ZNF438: variants seen among roughly 807,000 people sequenced by gnomAD.
ZNF438 encodes the protein zinc finger protein 438.
In ZNF438, 25 loss-of-function variants were observed where a neutral mutation model predicts 38.0. The observed-to-expected ratio is 0.66, with a 90% confidence interval of 0.48 to 0.92. The LOEUF is 0.92. ZNF438 is among the 40% of genes least tolerant of loss of function. The pLI is 0.00. For synonymous variants in ZNF438, 372 were observed against 364.1 expected, an observed-to-expected ratio of 1.02 and a Z score of -0.25; for missense variants, 1,007 against 999.6, an observed-to-expected ratio of 1.01 and a Z score of -0.10.
At chr10:30,883,400 C>A (rs946352202) in intron 3 of ZNF438, among the ~76,000 whole-genome samples, 7 of 152,014 alleles carry the variant, frequency 4.6e-5, no homozygotes, top group Admixed American at 1.3e-4. Context: ...TGTGTAAAGC[C>A]ATCATCATTA....
Position 31,027,043 on chromosome 10 carries a change from G to A in ZNF438, c.-192+4790C>T, listed in dbSNP as rs546800882. On this transcript the variant is annotated intron_variant, in intron 1 of 5. Transcript: ENST00000413025. ...CACTCACAGGTGGGAATTGAACAAT[G>A]AGAACACTTGGACACAGGGTGGGGA... 1.8e-3 allele frequency among the ~76,000 whole-genome samples: 272 copies of A among 150,158 alleles called. 2 individuals carry two copies. Among genetic ancestry groups the A allele is most frequent in the South Asian group, 0.011 (51 of 4,682 alleles).
At chr10:31,030,824 T>C (rs924334036) in intron 1 of ZNF438, among the ~76,000 whole-genome samples, 2 of 152,230 alleles carry the variant, frequency 1.3e-5, no homozygotes, top group African/African-American at 2.4e-5. Context: ...TAATAACTAA[T>C]CGATAATGTA....
At chr10:30,948,341 A>G (rs367604171) in intron 1 of ZNF438, among the ~76,000 whole-genome samples, 15 of 152,086 alleles carry the variant, frequency 9.9e-5, no homozygotes, top group Non-Finnish European at 1.8e-4. Flanking sequence ...AAAGCAGAGC[A>G]CCTCTCCTCC....
intron 4 of ZNF438, among the ~76,000 whole-genome samples, chr10:30,865,051 A>G (rs1194109764): frequency 6.6e-6 from 1 of 152,198 alleles, no homozygotes; most frequent in Admixed American, 6.5e-5. Flanking sequence ...CCTCCATTCC[A>G]ACACGCTGAA....
intron 2 of ZNF438, among the ~76,000 whole-genome samples, chr10:30,926,250 G>C (rs1227143376): frequency 6.6e-6 from 1 of 152,174 alleles, no homozygotes; most frequent in Non-Finnish European, 1.5e-5. Flanking sequence ...CTCAACACAA[G>C]AGCTGTGAGT....
At chr10:30,898,512 A>G (rs1281452477) in intron 3 of ZNF438, among the ~76,000 whole-genome samples, 1 of 152,142 alleles carries the variant, frequency 6.6e-6, no homozygotes, top group Non-Finnish European at 1.5e-5. Context: ...GGTATAATAC[A>G]TGTATGTGTG....
At chr10:30,923,400 T>C (rs965454502) in intron 2 of ZNF438, 1 of 152,256 alleles carries the variant, frequency 6.6e-6, no homozygotes, top group Non-Finnish European at 1.5e-5. Flanking sequence ...TTCAATTTCT[T>C]TCCCGAGCTC....
rs552596307 is a variant in ZNF438 at position 30,940,535 on chromosome 10, G to C, written c.-115+1040C>G. Among the ~76,000 whole-genome samples the C allele has an allele frequency of 1.2e-4, 19 of 152,286 alleles. No individual in the cohort carries two copies. The South Asian group carries it at 3.9e-3, about 32-fold the overall frequency. On this transcript the variant is annotated intron_variant, in intron 2 of 5. Coordinates refer to ENST00000413025, the Ensembl canonical transcript of ZNF438. ...AAGACAGATGCATGAAGAACAATGAGAGTTCAGAGAATAGGAAAAGCCCAG... is the reference window on the plus strand; with the variant it reads ...AAGACAGATGCATGAAGAACAATGACAGTTCAGAGAATAGGAAAAGCCCAG...
chr10:30,976,878 C>T (rs74134339), intron 1 of ZNF438, among the ~76,000 whole-genome samples: 5,387 of 152,026 alleles, frequency 0.035, 277 homozygotes, highest in African/African-American at 0.12. Flanking sequence ...TTAAAATTGA[C>T]GGAAGAAATC....
At chr10:30,863,743 C>T (rs186385855) in intron 4 of ZNF438, among the ~76,000 whole-genome samples, 28 of 152,240 alleles carry the variant, frequency 1.8e-4, no homozygotes, top group African/African-American at 5.3e-4. Context: ...ATTCCAGAGC[C>T]GGCCTCCTGG....
chr10:30,918,515 G>A (rs1237367222), intron 2 of ZNF438, among the ~76,000 whole-genome samples: 1 of 152,012 alleles, frequency 6.6e-6, no homozygotes, highest in African/African-American at 2.4e-5. Context: ...ATTAGAAATA[G>A]GAAATAGGTT....
chr10:30,868,714 T>G (rs148448678), intron 4 of ZNF438, among the ~76,000 whole-genome samples: 252 of 152,360 alleles, frequency 1.7e-3, no homozygotes, highest in African/African-American at 6.0e-3. Flanking sequence ...TCTGCATAAA[T>G]AAAGATGCAA....
chr10:30,952,587 C>T (rs1186626298), intron 1 of ZNF438, among the ~76,000 whole-genome samples: 4 of 136,758 alleles, frequency 2.9e-5, no homozygotes, highest in Non-Finnish European at 4.8e-5. Context: ...AAAAAGTGGG[C>T]GAAGGACATG....
intron 2 of ZNF438, among the ~76,000 whole-genome samples, chr10:30,939,537 T>C (rs541747556): frequency 1.8e-4 from 28 of 152,326 alleles, no homozygotes; most frequent in African/African-American, 6.5e-4. Context: ...TGTGAAAGGA[T>C]AGAGAAAACC....
At chr10:30,869,207 T>G (rs2036971745) in intron 4 of ZNF438, among the ~76,000 whole-genome samples, 1 of 152,144 alleles carries the variant, frequency 6.6e-6, no homozygotes, top group African/African-American at 2.4e-5. Context: ...ACCCTGTTTC[T>G]ACTAAAAATA....
intron 2 of ZNF438, among the ~76,000 whole-genome samples, chr10:30,936,890 C>T (rs2046318040): frequency 6.6e-6 from 1 of 152,054 alleles, no homozygotes; most frequent in Non-Finnish European, 1.5e-5. Context: ...TCTCTGCTCT[C>T]TAATTAATGT....
intron 4 of ZNF438, among the ~76,000 whole-genome samples, chr10:30,876,045 G>C (rs2038364757): frequency 6.6e-6 from 1 of 152,216 alleles, no homozygotes; most frequent in East Asian, 1.9e-4. Context: ...TAGATTTACA[G>C]ATGTGGAAGC....
exon 6 of ZNF438, chr10:30,845,119 T>G: frequency 1.2e-6 from 2 of 1,614,148 alleles, no homozygotes; most frequent in Non-Finnish European, 1.7e-6. Flanking sequence ...AGCAGGCAGT[T>G]AAAGCCTGAA....
intron 1 of ZNF438, among the ~76,000 whole-genome samples, chr10:30,977,811 C>T (rs926425934): frequency 2.6e-5 from 4 of 151,920 alleles, no homozygotes; most frequent in Non-Finnish European, 5.9e-5. Flanking sequence ...GGTGAAACCC[C>T]ATTTCTACTA....
Sources: gnomAD v4.1 joint callset for allele counts (sites outside exome capture counted in the v4.1 genomes callset) on GRCh38, gnomAD v4.1.1 for gene constraint, MANE v1.5 for transcripts, NCBI Gene and HGNC (gene_info 2026-07-23, HGNC 2026-07-21) for gene names.